The following PCLO variants were observed in gnomAD, a reference collection of about 807,000 sequenced individuals.
The protein encoded by PCLO is piccolo presynaptic cytomatrix protein.
PCLO carries 82 observed loss-of-function variants against 427.5 expected under a neutral mutation model. The observed-to-expected ratio is 0.19, with a 90% CI of 0.16 to 0.23. The LOEUF is 0.23. PCLO is among the 10% of genes least tolerant of loss of function. PCLO has a pLI of 1.00. For missense variants in PCLO, 6,239 were observed against 6,115.9 expected (o/e 1.02, Z -0.67); for synonymous variants, 2,357 against 2,155.4 (o/e 1.09, Z -2.59).
chr7:82,956,917 A>C lies in PCLO; in HGVS notation c.4036T>G (p.Ser1346Ala), dbSNP rs1795539907. 5 of 1,602,310 alleles carry C rather than the reference A, an allele frequency of 3.1e-6. No individual in the cohort carries two copies. In the East Asian group the frequency reaches 1.1e-4, roughly 36 times the overall value. The change falls in exon 5 of 25, where the codon TCA becomes GCA. Residue 1346 changes from serine to alanine, a missense_variant. Coordinates refer to ENST00000333891, the MANE Select transcript of PCLO (RefSeq NM_033026.6). Reference sequence around the variant, plus strand: ...GGCTGCTGAGAACTTGAGGTGTCTGATTTGTCATCTTCCTTTTCCTAAGCA... The same window carrying C: ...GGCTGCTGAGAACTTGAGGTGTCTGCTTTGTCATCTTCCTTTTCCTAAGCA... The part of the protein sequence containing the change: ...KEKTEKEDDK[S>A]DTSSSQQPKS...
intron 3 of PCLO, among the ~76,000 whole-genome samples, chr7:83,043,918 T>TCC (rs1227369554): frequency 9.4e-6 from 1 of 106,612 alleles, no homozygotes; most frequent in East Asian, 2.1e-4. Context: ...TTTTCTTTTT[T>TCC]TTTTTTTTTT....
chr7:83,149,716 G>A (rs1179700034), intron 2 of PCLO, among the ~76,000 whole-genome samples: 1 of 152,128 alleles, frequency 6.6e-6, no homozygotes, highest in Non-Finnish European at 1.5e-5. Context: ...CAGCTCTTCT[G>A]AACAACTTCT....
Position 82,838,194 on chromosome 7 carries a change from GA to G in PCLO, c.14222+23del, listed in dbSNP as rs747806096. On this transcript the variant is annotated intron_variant, in intron 15 of 24. Coordinates refer to ENST00000333891, the MANE Select transcript of PCLO (RefSeq NM_033026.6). ...ATACTATTGTTTTAAAGCATGAGATGAAGTACTTCTTAATTTTACTTACCCT... is the reference window on the plus strand; with the variant it reads ...ATACTATTGTTTTAAAGCATGAGATGAGTACTTCTTAATTTTACTTACCCT... The G allele has an allele frequency of 5.2e-6, 8 of 1,551,438 alleles. No homozygotes were observed. The African/African-American group carries it at 1.1e-4, about 21-fold the overall frequency.
At chr7:82,801,476 T>G in intron 22 of PCLO, 42 bp downstream of exon 22, 1 of 995,710 alleles carries the variant, frequency 1.0e-6, no homozygotes, top group Non-Finnish European at 1.6e-6. Context: ...TACTGTAGAA[T>G]GCAGATTCAG....
At position 82,956,481 on chromosome 7, in the gene PCLO, T is replaced by A; in HGVS notation, c.4472A>T (p.Lys1491Met). 6.2e-7 allele frequency: 1 copy of A among 1,613,874 alleles called. No individual in the cohort carries two copies. The change falls in exon 5 of 25, where the codon AAG becomes ATG. Residue 1491 changes from lysine (K) to methionine (M), a missense_variant. This residue lies in a region of PCLO where 4,677 missense variants were observed against 4,468.4 expected (regional missense o/e 1.05). Coordinates refer to ENST00000333891, the MANE Select transcript of PCLO (RefSeq NM_033026.6). ...KDSQQDIPSS[K>M]DHKEKSEFVD... ...AAACTCAGACTTCTCTTTATGGTCC[T>A]TGCTGGAAGGAATATCTTGTTGGCT... is the stretch of plus-strand genomic sequence containing the variant.
chr7:82,857,025 A>G (rs1260425832), intron 10 of PCLO, among the ~76,000 whole-genome samples: 1 of 152,116 alleles, frequency 6.6e-6, no homozygotes, highest in Non-Finnish European at 1.5e-5. Context: ...ATGCCTCTTC[A>G]CTATTTTATG....
rs1562933024 is a variant in PCLO, at chr7:83,038,037, A to ATTTATATC, written c.3301-71551_3301-71550insGATATAAA. Among the ~76,000 whole-genome samples the ATTTATATC allele has an allele frequency of 8.9e-4, 30 of 33,824 alleles. 5 individuals carry two copies. Among genetic ancestry groups the ATTTATATC allele is most frequent in the African/African-American group, 3.4e-3 (26 of 7,570 alleles). The allele number at this position is 33,824 out of a possible 152,430, so 22.2% of individuals were successfully genotyped here. On this transcript the variant is annotated intron_variant, in intron 3 of 24. Transcript: ENST00000333891. ...TATATATATATATATATATTTATAT[A>ATTTATATC]TTTATATATATATCTTTATATATAT... is the stretch of plus-strand genomic sequence containing the variant.
In PCLO at chr7:83,134,959, G is replaced by A. The variant is rs967262196; in HGVS notation, c.2591C>T (p.Pro864Leu). 6.2e-7 allele frequency: 1 copy of A among 1,611,698 alleles called. No homozygotes were observed. The highest frequency in any genetic ancestry group is 1.3e-5 in the African/African-American group (1 of 74,668). ...EPKKAQTKMSPKPDAKPMPKG... is the reference protein window; with the variant it reads ...EPKKAQTKMSLKPDAKPMPKG... ...TGGCATTGGCTTGGCATCTGGTTTAGGACTCATTTTGGTTTGTGCTTTCTT... is the reference window on the plus strand; with the variant it reads ...TGGCATTGGCTTGGCATCTGGTTTAAGACTCATTTTGGTTTGTGCTTTCTT... The change falls in exon 3 of 25, where the codon CCT becomes CTT. Residue 864 changes from proline to leucine, a missense_variant. Physicochemically the swap from Pro to Leu is moderately conservative, Grantham distance 98 (BLOSUM62 -3). This residue lies in a region of PCLO where 4,677 missense variants were observed against 4,468.4 expected (regional missense o/e 1.05). Transcript: ENST00000333891.
chr7:83,028,409 A>G (rs1409421300), intron 3 of PCLO, among the ~76,000 whole-genome samples: 1 of 146,642 alleles, frequency 6.8e-6, no homozygotes, highest in Non-Finnish European at 1.5e-5. Context: ...AGGGATGTGA[A>G]GGACCTCTTC....
intron 1 of PCLO, among the ~76,000 whole-genome samples, chr7:83,159,110 G>C (rs1238035478): frequency 1.3e-5 from 2 of 152,072 alleles, no homozygotes; most frequent in Non-Finnish European, 2.9e-5. Context: ...ATTAATATTT[G>C]ATGAATTAAT....
chr7:82,996,910 T>C (rs116754535), intron 3 of PCLO, among the ~76,000 whole-genome samples: 1 of 151,948 alleles, frequency 6.6e-6, no homozygotes, highest in Non-Finnish European at 1.5e-5. Context: ...TTAGTGGACC[T>C]AAAAATTCTA....
At chr7:82,760,853 G>A in intron 23 of PCLO, 69 bp from the exon 24 acceptor site, 1 of 672,898 alleles carries the variant, frequency 1.5e-6, no homozygotes, top group Non-Finnish European at 2.2e-6. Context: ...AATTATAACT[G>A]TATACTGAGA....
In PCLO at chr7:83,139,893, G is replaced by A. The variant is rs1791821029; in HGVS notation, c.1894-4237C>T. Among the ~76,000 whole-genome samples the A allele has an allele frequency of 2.0e-5, 3 of 152,196 alleles. No homozygotes were observed. The South Asian group carries it at 6.2e-4, about 32-fold the overall frequency. ...AATTATACTGGCCAAATCTGTTGAAGGTAGAAATGATTTGTATTTCAGCAC... is the reference window on the plus strand; with the variant it reads ...AATTATACTGGCCAAATCTGTTGAAAGTAGAAATGATTTGTATTTCAGCAC... On this transcript the variant is annotated intron_variant, in intron 2 of 24. Transcript: ENST00000333891.
At chr7:82,978,094 T>C (rs1371174599) in intron 3 of PCLO, among the ~76,000 whole-genome samples, 1 of 151,914 alleles carries the variant, frequency 6.6e-6, no homozygotes, top group Non-Finnish European at 1.5e-5. Flanking sequence ...AGACCATAGC[T>C]AGAAATAGGT....
chr7:82,962,285 C>T (rs987688369), intron 4 of PCLO, among the ~76,000 whole-genome samples: 14 of 152,040 alleles, frequency 9.2e-5, no homozygotes, highest in Admixed American at 6.6e-5. Context: ...CTGGAATCTT[C>T]TTTTGAATTT....
intron 22 of PCLO, among the ~76,000 whole-genome samples, chr7:82,770,314 G>A (rs565813645): frequency 6.6e-6 from 1 of 151,984 alleles, no homozygotes; most frequent in South Asian, 2.1e-4. Context: ...AGTACAATGT[G>A]ATATTTGATA....
At chr7:82,828,290 A>C (rs1562805010) in intron 16 of PCLO, among the ~76,000 whole-genome samples, 1 of 152,098 alleles carries the variant, frequency 6.6e-6, no homozygotes, top group Non-Finnish European at 1.5e-5. Context: ...TAGTAACATC[A>C]ATGTTACTGC....
chr7:82,863,553 C>A (rs1793017309), intron 10 of PCLO, among the ~76,000 whole-genome samples: 1 of 151,844 alleles, frequency 6.6e-6, no homozygotes, highest in Non-Finnish European at 1.5e-5. Context: ...AAATAGAATT[C>A]AATTTCAAAT....
At chr7:82,763,474 T>C (rs1400294881) in intron 22 of PCLO, among the ~76,000 whole-genome samples, 1 of 152,072 alleles carries the variant, frequency 6.6e-6, no homozygotes, top group Non-Finnish European at 1.5e-5. Flanking sequence ...GAAAATGAAA[T>C]AACAAAACAC....
Sources: allele counts gnomAD v4.1 joint callset (sites outside exome capture counted in the v4.1 genomes callset), GRCh38; gene constraint gnomAD v4.1.1; regional missense constraint gnomAD v4.1.1; transcripts MANE v1.5; gene names NCBI Gene and HGNC (gene_info 2026-07-23, HGNC 2026-07-21).